Variants in HNMT observed in about 807,000 individuals in gnomAD.
HNMT encodes the protein histamine N-methyltransferase.
Under a neutral mutation model 32.1 loss-of-function variants are expected in HNMT, and 30 were observed. The ratio of observed to expected loss-of-function variants is 0.93; its 90% CI spans 0.70 to 1.27. HNMT has a LOEUF of 1.27. HNMT is among the 50% of genes most tolerant of loss of function. HNMT has a pLI of 0.00. For synonymous variants in HNMT, 125 were observed against 119.0 expected (o/e 1.05, Z -0.33); for missense variants, 327 against 346.0 (o/e 0.95, Z 0.43).
At chr2:137,970,507 T>A (rs1053994854) in intron 2 of HNMT, among the ~76,000 whole-genome samples, 12 of 152,142 alleles carry the variant, frequency 7.9e-5, no homozygotes, top group Non-Finnish European at 1.5e-4. Context: ...CCAAAATGAT[T>A]AAAATACTCA....
chr2:138,002,595 G>A (rs1558745442), intron 4 of HNMT: 1 of 192,656 alleles, frequency 5.2e-6, no homozygotes, highest in Non-Finnish European at 9.5e-6. Flanking sequence ...CCACAGGTGT[G>A]CACCACCACA....
chr2:137,985,138 T>C (rs557430257), intron 2 of HNMT, among the ~76,000 whole-genome samples: 1 of 151,936 alleles, frequency 6.6e-6, no homozygotes. Flanking sequence ...CTTCTCACTA[T>C]CTGCCTAAAA....
intron 2 of HNMT, among the ~76,000 whole-genome samples, chr2:137,977,356 T>C (rs1402861842): frequency 2.0e-5 from 3 of 152,200 alleles, no homozygotes; most frequent in Admixed American, 1.3e-4. Flanking sequence ...ACAGTCATGC[T>C]GTATAAAACT....
chr2:137,999,106 T>C (rs969516807), intron 2 of HNMT, among the ~76,000 whole-genome samples: 2 of 152,202 alleles, frequency 1.3e-5, no homozygotes, highest in Admixed American at 6.6e-5. Context: ...ACATTGTAGA[T>C]TTAGACAAAT....
chr2:137,971,339 C>G (rs2104927352), intron 2 of HNMT, among the ~76,000 whole-genome samples: 2 of 152,204 alleles, frequency 1.3e-5, no homozygotes, highest in South Asian at 4.1e-4. Context: ...ACCACCGCAC[C>G]TGGCTAATTT....
At chr2:138,012,739 G>T (rs1045284895) in intron 5 of HNMT, among the ~76,000 whole-genome samples, 5 of 151,956 alleles carry the variant, frequency 3.3e-5, no homozygotes, top group Admixed American at 2.0e-4. Context: ...GTCTTCTCAG[G>T]CGCCCTCACA....
At chr2:137,999,025 T>A (rs570297332) in intron 2 of HNMT, among the ~76,000 whole-genome samples, 27 of 152,284 alleles carry the variant, frequency 1.8e-4, no homozygotes, top group Middle Eastern at 3.4e-3. Context: ...AACAGAAGAA[T>A]AAAAGGCTTT....
chr2:138,010,480 CACAG>C (rs375591153), intron 5 of HNMT, among the ~76,000 whole-genome samples: 6,126 of 142,760 alleles, frequency 0.043, 185 homozygotes, highest in Middle Eastern at 0.11. Flanking sequence ...CACACACACA[CACAG>C]CAAATGGAAG....
chr2:137,981,916 C>T (rs1233232923), intron 2 of HNMT, among the ~76,000 whole-genome samples: 1 of 152,130 alleles, frequency 6.6e-6, no homozygotes, highest in Non-Finnish European at 1.5e-5. Context: ...TGCAGTGCCG[C>T]GATCTAGGCT....
chr2:138,014,001 T>C lies in HNMT; in HGVS notation c.750T>C (p.Phe250=), dbSNP rs112342775. 8.0e-5 allele frequency: 129 copies of C among 1,613,738 alleles called. No homozygotes were observed. The African/African-American group carries it at 1.3e-3, about 17-fold the overall frequency. Residue 250 remains phenylalanine (F), a synonymous_variant, in exon 6 of 6, where the codon TTT becomes TTC. Transcript: ENST00000280097. ...LWDFLTETCN[F]NATAPPDLRA... is the part of the protein sequence containing the mutation. ...ATTTTTTGACTGAAACCTGCAACTT[T>C]AATGCCACAGCACCACCTGATCTCA...
chr2:137,979,932 C>G (rs1680436289), intron 2 of HNMT, among the ~76,000 whole-genome samples: 1 of 152,128 alleles, frequency 6.6e-6, no homozygotes, highest in South Asian at 2.1e-4. Flanking sequence ...CCTCCGGCCT[C>G]TCCTTCATCT....
chr2:137,979,559 T>C (rs1205179389), intron 2 of HNMT, among the ~76,000 whole-genome samples: 1 of 151,912 alleles, frequency 6.6e-6, no homozygotes, highest in East Asian at 1.9e-4. Context: ...GCCATACTTT[T>C]ATTTTATTTA....
intron 2 of HNMT, among the ~76,000 whole-genome samples, chr2:137,999,724 C>G (rs753028544): frequency 7.9e-5 from 12 of 152,040 alleles, no homozygotes; most frequent in Non-Finnish European, 1.8e-4. Flanking sequence ...AAGTGCAAAA[C>G]ATAAGTTGGA....
chr2:137,988,723 A>C (rs1319302777), intron 2 of HNMT: 3 of 152,044 alleles, frequency 2.0e-5, no homozygotes, highest in African/African-American at 7.3e-5. Context: ...AAAAATATGA[A>C]AATTAGCCTG....
intron 2 of HNMT, among the ~76,000 whole-genome samples, chr2:137,992,771 A>G (rs1680861879): frequency 6.6e-6 from 1 of 152,134 alleles, no homozygotes; most frequent in Non-Finnish European, 1.5e-5. Flanking sequence ...CCTATACAGG[A>G]GTGCTCCTAC....
At position 137,996,301 on chromosome 2, in the gene HNMT, C is replaced by G. The variant is rs145871487; in HGVS notation, c.191-4617C>G. On this transcript the variant is annotated intron_variant, in intron 2 of 5. Coordinates refer to ENST00000280097, the MANE Select transcript of HNMT (RefSeq NM_006895.3). ...CATCTCAGCCTAAAAACTTCTTAAA[C>G]TGATAAGCAACTTCAGCAAAGTCTT... Among the ~76,000 whole-genome samples, 853 of 152,302 alleles carry G rather than the reference C, an allele frequency of 5.6e-3. 2 individuals are homozygous for G. The highest frequency in any genetic ancestry group is 0.01 in the Non-Finnish European group (690 of 68,018).
At chr2:137,993,471 C>T (rs973691963) in intron 2 of HNMT, among the ~76,000 whole-genome samples, 1 of 151,134 alleles carries the variant, frequency 6.6e-6, no homozygotes. Flanking sequence ...GAAGACAAGA[C>T]TAGAGAAAAA....
At chr2:138,012,835 A>G (rs572093100) in intron 5 of HNMT, among the ~76,000 whole-genome samples, 6 of 152,194 alleles carry the variant, frequency 3.9e-5, no homozygotes, top group Non-Finnish European at 8.8e-5. Context: ...ATCTCGGAGT[A>G]TAACACATAA....
intron 2 of HNMT, among the ~76,000 whole-genome samples, chr2:137,972,436 T>C (rs1022361436): frequency 1.3e-5 from 2 of 152,116 alleles, no homozygotes; most frequent in African/African-American, 4.8e-5. Context: ...TCATTATTTG[T>C]TAATTTTTCA....
Sources: gnomAD v4.1 joint callset for allele counts (sites outside exome capture counted in the v4.1 genomes callset) on GRCh38, gnomAD v4.1.1 for gene constraint, MANE v1.5 for transcripts, NCBI Gene and HGNC (gene_info 2026-07-23, HGNC 2026-07-21) for gene names.